LARP4B: variants seen among roughly 807,000 people sequenced by gnomAD.
LARP4B encodes la-related protein 4B.
Under a neutral mutation model 89.8 loss-of-function variants are expected in LARP4B, and 12 were observed. That is an observed-to-expected ratio of 0.13 (90% CI 0.09 to 0.22). The LOEUF is 0.22. Among genes scored for constraint, LARP4B ranks in the 10% least tolerant of loss-of-function variants. LARP4B has a pLI of 1.00. For synonymous variants in LARP4B, 367 were observed against 363.3 expected (o/e 1.01, Z -0.12); for missense variants, 757 against 947.7 (o/e 0.80, Z 2.64).
At chr10:953,758 G>A in the LARP4B span, among the ~76,000 whole-genome samples, 12 of 152,344 alleles carry the variant, frequency 7.9e-5, no homozygotes, top group African/African-American at 2.2e-4. Flanking sequence ...CCTAGGATGC[G>A]CTAGAAGCAT....
chr10:831,273 C>T (rs1341996310), intron 8 of LARP4B, among the ~76,000 whole-genome samples: 1 of 134,474 alleles, frequency 7.4e-6, no homozygotes, highest in Non-Finnish European at 1.6e-5. Context: ...GATAACTGCA[C>T]AACTTTTTTT....
Position 864,126 on chromosome 10 carries a change from G to C in LARP4B, c.286C>G (p.Gln96Glu), listed in dbSNP as rs768823716. ...ACCACGGCCATGCTCAACTTACCCT[G>C]CGGGCCACGGTCTGCGTGGTGGCCA... is the stretch of plus-strand genomic sequence containing the variant. The part of the protein sequence containing the change: ...VAGHHADRGP[Q>E]GSDANGDGDQ... Residue 96 changes from glutamine (Q) to glutamate (E), a missense_variant, in exon 4 of 18, where the codon CAG becomes GAG. Transcript: ENST00000316157. 3.1e-6 allele frequency: 5 copies of C among 1,614,034 alleles called. No homozygotes were observed. Among genetic ancestry groups the C allele is most frequent in the African/African-American group, 1.3e-5 (1 of 74,912 alleles).
chr10:829,450 G>C lies in LARP4B; in HGVS notation c.1060C>G (p.Pro354Ala). 1 of 1,614,186 alleles carries C rather than the reference G, an allele frequency of 6.2e-7. No individual in the cohort carries two copies. Among genetic ancestry groups the C allele is most frequent in the Non-Finnish European group, 8.5e-7 (1 of 1,180,026 alleles). ...PPMYSPQQQF[P>A]LYSLITPQTW... ...TGGGGAGTGATCAGGCTGTACAGGGGGAACTGCTGCTGGGGGCTGTACATG... is the reference window on the plus strand; with the variant it reads ...TGGGGAGTGATCAGGCTGTACAGGGCGAACTGCTGCTGGGGGCTGTACATG... Residue 354 changes from proline to alanine, a missense_variant, in exon 11 of 18, where the codon CCC becomes GCC. Coordinates refer to ENST00000316157, the MANE Select transcript of LARP4B (RefSeq NM_015155.3).
chr10:810,949 G>C lies in LARP4B; in HGVS notation c.*1977C>G, dbSNP rs138109726. ...AAATAGGCATGTTTTCCTCTGGCAG[G>C]GTCAATCATGCTTAGCTGCAGGTGA... On this transcript the variant is annotated 3_prime_UTR_variant, in exon 18 of 18. Coordinates refer to ENST00000316157, the MANE Select transcript of LARP4B (RefSeq NM_015155.3). 30 of 152,236 alleles carry C rather than the reference G, an allele frequency of 2.0e-4. No homozygotes were observed. In the East Asian group the frequency reaches 5.2e-3, roughly 26 times the overall value. 9.4% of individuals were successfully genotyped at this position (152,236 alleles called of 1,614,324 possible).
At chr10:913,366 C>G (rs12259801) in intron 1 of LARP4B, among the ~76,000 whole-genome samples, 28,354 of 152,154 alleles carry the variant, frequency 0.19, 2,872 homozygotes, top group Non-Finnish European at 0.23. Context: ...ATATATGAAA[C>G]ACCTCTAATT....
chr10:893,652 T>A (rs1836104215), intron 1 of LARP4B, among the ~76,000 whole-genome samples: 1 of 152,204 alleles, frequency 6.6e-6, no homozygotes, highest in Non-Finnish European at 1.5e-5. Flanking sequence ...TCCAGAGCAC[T>A]AGTTAATTAC....
chr10:910,060 T>C (rs1037314292), intron 1 of LARP4B, among the ~76,000 whole-genome samples: 1 of 152,190 alleles, frequency 6.6e-6, no homozygotes, highest in East Asian at 1.9e-4. Flanking sequence ...CCCAGATCCA[T>C]GCTGAGCAGA....
At chr10:925,688 C>G (rs1317133123) in intron 1 of LARP4B, among the ~76,000 whole-genome samples, 1 of 152,136 alleles carries the variant, frequency 6.6e-6, no homozygotes, top group African/African-American at 2.4e-5. Flanking sequence ...CACGCACCAC[C>G]ACGCCTGGCT....
chr10:855,570 G>A (rs1463754217), intron 5 of LARP4B, among the ~76,000 whole-genome samples: 3 of 152,062 alleles, frequency 2.0e-5, no homozygotes, highest in African/African-American at 4.8e-5. Context: ...ACCTTAAATG[G>A]TGTGGCTCCT....
At chr10:876,844 C>A (rs1345045162) in intron 3 of LARP4B, among the ~76,000 whole-genome samples, 2 of 152,176 alleles carry the variant, frequency 1.3e-5, no homozygotes, top group African/African-American at 4.8e-5. Context: ...CTGCCTGGGC[C>A]CCCAGGCTGT....
chr10:945,563 C>T, the LARP4B span, among the ~76,000 whole-genome samples: 2 of 151,958 alleles, frequency 1.3e-5, no homozygotes, highest in South Asian at 4.2e-4. Flanking sequence ...TGGCGGGCGC[C>T]TGTAGTCCCA....
rs555553775 is a variant in LARP4B, at chr10:858,513, G to A, written c.430+5230C>T. On this transcript the variant is annotated intron_variant, in intron 5 of 17. Transcript: ENST00000316157. ...TGTTATCTTAGATATGACACCAAAGGCATAGGCAGCCCAACAAAAAATAAA... is the reference window on the plus strand; with the variant it reads ...TGTTATCTTAGATATGACACCAAAGACATAGGCAGCCCAACAAAAAATAAA... Among the ~76,000 whole-genome samples the A allele has an allele frequency of 4.1e-4, 63 of 152,100 alleles. No individual in the cohort carries two copies. In the South Asian group the frequency reaches 0.013, roughly 31 times the overall value.
chr10:819,496 G>A (rs1170505140), intron 14 of LARP4B: 1 of 152,274 alleles, frequency 6.6e-6, no homozygotes, highest in Non-Finnish European at 1.5e-5. Flanking sequence ...GGTCCTGAGA[G>A]CACGTACATA....
chr10:976,590 G>C, the LARP4B span, among the ~76,000 whole-genome samples: 1 of 150,002 alleles, frequency 6.7e-6, no homozygotes, highest in South Asian at 2.1e-4. Context: ...AGGTAGGCCT[G>C]CCGTGTAATG....
At chr10:816,520 G>T (rs1832065573) in intron 15 of LARP4B, among the ~76,000 whole-genome samples, 1 of 152,200 alleles carries the variant, frequency 6.6e-6, no homozygotes, top group African/African-American at 2.4e-5. Context: ...TTCTTCAAGA[G>T]AAACCTTACA....
At chr10:852,919 A>G (rs1834128220) in intron 5 of LARP4B, among the ~76,000 whole-genome samples, 2 of 152,252 alleles carry the variant, frequency 1.3e-5, no homozygotes, top group Non-Finnish European at 2.9e-5. Flanking sequence ...GATGTAAAAG[A>G]CCAGTACACT....
intron 3 of LARP4B, among the ~76,000 whole-genome samples, chr10:879,395 A>G (rs1459641994): frequency 6.6e-6 from 1 of 152,258 alleles, no homozygotes; most frequent in African/African-American, 2.4e-5. Flanking sequence ...TTGTCACTAA[A>G]TCATGCTGAG....
the LARP4B span, among the ~76,000 whole-genome samples, chr10:948,651 A>G: frequency 7.5e-4 from 115 of 152,344 alleles, no homozygotes; most frequent in African/African-American, 2.7e-3. Flanking sequence ...CTTTAAAGCC[A>G]CAGAACTTCC....
intron 1 of LARP4B, among the ~76,000 whole-genome samples, chr10:921,322 G>A (rs1836972184): frequency 1.3e-5 from 2 of 151,944 alleles, no homozygotes; most frequent in Non-Finnish European, 2.9e-5. Context: ...TAATGATCCA[G>A]CATTTATTTG....
Sources: allele counts gnomAD v4.1 joint callset (sites outside exome capture counted in the v4.1 genomes callset), GRCh38; gene constraint gnomAD v4.1.1; transcripts MANE v1.5; gene names NCBI Gene and HGNC (gene_info 2026-07-23, HGNC 2026-07-21).